The following ADGRL2 variants were observed in gnomAD, a reference collection of about 807,000 sequenced individuals.
The protein encoded by ADGRL2 is adhesion G protein-coupled receptor L2, also known as calcium-independent alpha-latrotoxin receptor 2.
Under a neutral mutation model 157.4 loss-of-function variants are expected in ADGRL2, and 44 were observed. The ratio of observed to expected loss-of-function variants is 0.28; its 90% CI spans 0.22 to 0.36. The LOEUF (loss-of-function observed/expected upper bound fraction) is 0.36, where lower values mean the gene tolerates loss of function less well. ADGRL2 is among the 10% of genes least tolerant of loss of function. The probability of loss-of-function intolerance (pLI) is 1.00; values close to 1 mark genes in which losing one functional copy is unlikely to be tolerated. For missense variants in ADGRL2, 1,510 were observed against 1,768.9 expected (o/e 0.85, Z 2.63); for synonymous variants, 585 against 624.7 (o/e 0.94, Z 0.95).
intron 2 of ADGRL2, among the ~76,000 whole-genome samples, chr1:81,787,389 G>A (rs948228881): frequency 6.6e-6 from 1 of 152,164 alleles, no homozygotes; most frequent in African/African-American, 2.4e-5. Flanking sequence ...TGGGTGTGGT[G>A]GCTCATGCCT....
intron 1 of ADGRL2, among the ~76,000 whole-genome samples, chr1:81,738,923 C>T (rs2084985728): frequency 6.6e-6 from 1 of 152,232 alleles, no homozygotes; most frequent in South Asian, 2.1e-4. Flanking sequence ...AGGACTTGAG[C>T]TACTTCTGCT....
intron 3 of ADGRL2, among the ~76,000 whole-genome samples, chr1:81,909,515 G>C (rs979672864): frequency 1.1e-4 from 16 of 152,216 alleles, no homozygotes; most frequent in Admixed American, 9.8e-4. Context: ...ACACTTTCTG[G>C]CTTTTCTTCC....
chr1:81,427,573 T>A (rs2077241726), intron 1 of ADGRL2: 1 of 739,758 alleles, frequency 1.4e-6, no homozygotes. Flanking sequence ...GTTATGGATC[T>A]GGTGATGGAC....
rs182845238 is a variant in ADGRL2, at chr1:81,784,650, C to T, written c.-101+22798C>T. 3.2e-3 allele frequency among the ~76,000 whole-genome samples: 477 copies of T among 150,440 alleles called. 2 individuals carry two copies. The highest frequency in any genetic ancestry group is 0.011 in the African/African-American group (458 of 40,810). ...GGCTGAGGCACGAGAATCACTTGAACCTGGGAGGTGCAGGTTTTAGTGAGC... is the reference window on the plus strand; with the variant it reads ...GGCTGAGGCACGAGAATCACTTGAATCTGGGAGGTGCAGGTTTTAGTGAGC... On this transcript the variant is annotated intron_variant, in intron 2 of 20. Transcript: ENST00000359929.
At chr1:81,311,296 T>C (rs1659738033) in intron 1 of ADGRL2, among the ~76,000 whole-genome samples, 1 of 152,180 alleles carries the variant, frequency 6.6e-6, no homozygotes, top group Non-Finnish European at 1.5e-5. Context: ...TTCTATCTTC[T>C]CCCGGAAAAA....
chr1:81,936,250 G>T (rs1394440457), intron 3 of ADGRL2, among the ~76,000 whole-genome samples: 4 of 151,800 alleles, frequency 2.6e-5, no homozygotes, highest in Non-Finnish European at 4.4e-5. Context: ...TAAAATCCTG[G>T]CTCCTTGTTT....
intron 2 of ADGRL2, among the ~76,000 whole-genome samples, chr1:81,527,860 G>C (rs1570394711): frequency 6.6e-6 from 1 of 152,088 alleles, no homozygotes; most frequent in East Asian, 1.9e-4. Flanking sequence ...GAGGTCAGGA[G>C]ATCGAGACCA....
Position 81,629,983 on chromosome 1 carries a change from C to T in ADGRL2, c.-143+49003C>T, listed in dbSNP as rs140354009. On this transcript the variant is annotated intron_variant, in intron 3 of 24. Transcript: ENST00000370721. ...AAAACTTTGGAAAACTGTGTGTGTGCGTACATATCCATATGTATATATGAA... is the reference window on the plus strand; with the variant it reads ...AAAACTTTGGAAAACTGTGTGTGTGTGTACATATCCATATGTATATATGAA... 4.1e-3 allele frequency among the ~76,000 whole-genome samples: 613 copies of T among 151,206 alleles called. 5 individuals are homozygous for T. Among genetic ancestry groups the T allele is most frequent in the African/African-American group, 0.014 (574 of 41,116 alleles).
At chr1:81,375,108 A>T (rs1467818805) in intron 1 of ADGRL2, among the ~76,000 whole-genome samples, 3 of 152,192 alleles carry the variant, frequency 2.0e-5, no homozygotes, top group Non-Finnish European at 2.9e-5. Flanking sequence ...GCAACACATC[A>T]TCCCTGTCTT....
intron 1 of ADGRL2, among the ~76,000 whole-genome samples, chr1:81,396,688 G>T (rs1178545970): frequency 6.6e-6 from 1 of 152,002 alleles, no homozygotes; most frequent in Non-Finnish European, 1.5e-5. Context: ...AGTCTGTGAG[G>T]GGTTTTATAA....
intron 1 of ADGRL2, among the ~76,000 whole-genome samples, chr1:81,332,164 A>G (rs1661316218): frequency 6.6e-6 from 1 of 152,192 alleles, no homozygotes; most frequent in Non-Finnish European, 1.5e-5. Flanking sequence ...TTTTTTGTCC[A>G]ACTCTGTGCC....
At chr1:81,429,850 G>A (rs2077287321) in intron 1 of ADGRL2, among the ~76,000 whole-genome samples, 1 of 152,132 alleles carries the variant, frequency 6.6e-6, no homozygotes. Context: ...ATGACCTCAT[G>A]AGCTTTATAT....
intron 2 of ADGRL2, among the ~76,000 whole-genome samples, chr1:81,566,140 G>A (rs867997370): frequency 6.6e-6 from 1 of 152,246 alleles, no homozygotes; most frequent in Admixed American, 6.5e-5. Flanking sequence ...TTTTCATACA[G>A]AGAGTTATAA....
chr1:81,624,039 T>C (rs12741638), intron 3 of ADGRL2, among the ~76,000 whole-genome samples: 35,758 of 151,754 alleles, frequency 0.24, 4,957 homozygotes, highest in African/African-American at 0.36. Context: ...ATTGGAGCAA[T>C]GCAGCAGTAA....
intron 2 of ADGRL2, among the ~76,000 whole-genome samples, chr1:81,555,249 G>A (rs963678788): frequency 1.3e-5 from 2 of 150,784 alleles, no homozygotes; most frequent in Non-Finnish European, 2.9e-5. Flanking sequence ...AAATAATGCT[G>A]GTCTCTATTT....
chr1:81,384,251 G>C (rs924033986), intron 1 of ADGRL2, among the ~76,000 whole-genome samples: 17 of 152,222 alleles, frequency 1.1e-4, no homozygotes, highest in Middle Eastern at 3.4e-3. Flanking sequence ...AATGAGAGAA[G>C]TCTATATGTC....
intron 1 of ADGRL2, among the ~76,000 whole-genome samples, chr1:81,725,259 G>A (rs2084482254): frequency 6.7e-6 from 1 of 149,904 alleles, no homozygotes; most frequent in South Asian, 2.1e-4. Flanking sequence ...TGCATTTGAC[G>A]CCAGGCACGG....
chr1:81,987,918 A>C, intron 23 of ADGRL2, 32 bp downstream of exon 23: 1 of 327,318 alleles, frequency 3.1e-6, no homozygotes, highest in Non-Finnish European at 6.5e-6. Context: ...TTGCCTATCA[A>C]ATGTAAATTT....
intron 1 of ADGRL2, among the ~76,000 whole-genome samples, chr1:81,327,024 A>G (rs1295207643): frequency 6.6e-6 from 1 of 152,226 alleles, no homozygotes; most frequent in African/African-American, 2.4e-5. Context: ...CACTTAATAC[A>G]AATAAAGCCC....
Sources: gnomAD v4.1 joint callset for allele counts (sites outside exome capture counted in the v4.1 genomes callset) on GRCh38, gnomAD v4.1.1 for gene constraint, MANE v1.5 for transcripts, NCBI Gene and HGNC (gene_info 2026-07-23, HGNC 2026-07-21) for gene names.